The following SCARA3 variants were observed in gnomAD, a reference collection of about 807,000 sequenced individuals.
SCARA3 encodes scavenger receptor class A member 3.
Under a neutral mutation model 47.0 loss-of-function variants are expected in SCARA3, and 39 were observed. The ratio of observed to expected loss-of-function variants is 0.83; its 90% CI spans 0.64 to 1.08. SCARA3 has a LOEUF of 1.08. Ranked by LOEUF, SCARA3 falls within the 50% of genes least tolerant of loss-of-function variation. SCARA3 has a pLI of 0.00. For missense variants in SCARA3, 724 were observed against 792.3 expected (o/e 0.91, Z 1.04); for synonymous variants, 356 against 334.1 (o/e 1.07, Z -0.71).
downstream of SCARA3, among the ~76,000 whole-genome samples, chr8:27,675,898 TG>T (rs1177517047): frequency 1.4e-5 from 1 of 71,988 alleles, no homozygotes; most frequent in Non-Finnish European, 2.8e-5. Flanking sequence ...GGACGGGGTG[TG>T]GGGAGGTGGG....
chr8:27,662,226 C>T (rs1801926603), intron 5 of SCARA3, among the ~76,000 whole-genome samples: 1 of 152,218 alleles, frequency 6.6e-6, no homozygotes, highest in African/African-American at 2.4e-5. Context: ...ATTTCTGGAC[C>T]TGTGAGTCTG....
At chr8:27,713,824 G>A in the SCARA3 span, among the ~76,000 whole-genome samples, 5 of 152,212 alleles carry the variant, frequency 3.3e-5, no homozygotes, top group African/African-American at 1.2e-4. Context: ...GGATGTGACA[G>A]AGTTTGGATA....
Position 27,671,449 on chromosome 8 carries a change from C to T in SCARA3, c.*98C>T. Reference sequence around the variant, plus strand: ...CTCACCTACAGACAGCTGTGGTCCTCTGATTCCAATGAGGGGGCTCCCCAG... The same window carrying T: ...CTCACCTACAGACAGCTGTGGTCCTTTGATTCCAATGAGGGGGCTCCCCAG... On this transcript the variant is annotated 3_prime_UTR_variant, in exon 6 of 6. Coordinates refer to ENST00000301904, the MANE Select transcript of SCARA3 (RefSeq NM_016240.3). 1.5e-6 allele frequency: 2 copies of T among 1,322,286 alleles called. No individual in the cohort carries two copies. The highest frequency in any genetic ancestry group is 1.9e-6 in the Non-Finnish European group (2 of 1,041,654). 81.9% of individuals were successfully genotyped at this position (1,322,286 alleles called of 1,614,324 possible). A position where few individuals can be genotyped will look rare whatever the true frequency, so the allele number is the denominator to read the frequency against.
At chr8:27,677,435 G>T (rs1439374828), downstream of SCARA3, among the ~76,000 whole-genome samples, 1 of 152,218 alleles carries the variant, frequency 6.6e-6, no homozygotes, top group Non-Finnish European at 1.5e-5. Context: ...GGGAATCTGT[G>T]AGCTGACTAG....
chr8:27,726,425 G>A, the SCARA3 span, among the ~76,000 whole-genome samples: 806 of 152,150 alleles, frequency 5.3e-3, 4 homozygotes, highest in Non-Finnish European at 7.4e-3. Context: ...ACAGCCAGGC[G>A]CAGTGGCTCA....
chr8:27,681,543 A>T (rs1040935708), downstream of SCARA3, among the ~76,000 whole-genome samples: 8 of 151,992 alleles, frequency 5.3e-5, no homozygotes, highest in African/African-American at 1.7e-4. Context: ...GGGCAACAGA[A>T]GCGAGACTTC....
chr8:27,681,486 A>T (rs1802353350), downstream of SCARA3, among the ~76,000 whole-genome samples: 1 of 152,186 alleles, frequency 6.6e-6, no homozygotes, highest in Non-Finnish European at 1.5e-5. Context: ...CATTTTGGAA[A>T]GCTGAGGCAG....
chr8:27,660,832 AGCTAGCTAG>A (rs1280038412), intron 5 of SCARA3, among the ~76,000 whole-genome samples: 1 of 47,774 alleles, frequency 2.1e-5, no homozygotes, highest in Non-Finnish European at 6.5e-5. Flanking sequence ...GATAGAAGAT[AGCTAGCTAG>A]CTAGATAGAT....
the SCARA3 span, among the ~76,000 whole-genome samples, chr8:27,727,397 G>A: frequency 2.0e-5 from 3 of 152,216 alleles, no homozygotes; most frequent in South Asian, 6.2e-4. Context: ...CGTGATGCGC[G>A]CCGAGACCAG....
the SCARA3 span, among the ~76,000 whole-genome samples, chr8:27,705,470 G>A: frequency 6.6e-6 from 1 of 152,228 alleles, no homozygotes; most frequent in Non-Finnish European, 1.5e-5. Context: ...CTCAAAAGAT[G>A]AGGTGCCCCA....
chr8:27,656,866 A>G lies in SCARA3; in HGVS notation c.311A>G (p.Asn104Ser), dbSNP rs1801754440. The change falls in exon 4 of 6, where the codon AAT becomes AGT. Residue 104 changes from asparagine (N) to serine (S), a missense_variant. By Grantham distance (46) the Asn-to-Ser change is conservative (BLOSUM62 1). Transcript: ENST00000301904. ...AAGAAGCTTGTGTTAATGCAGAAAA[A>G]TCTCCAGGGCCTGGGTAAGTAGATG... ...YDKKLVLMQK[N>S]LQGLDPKALN... 1 of 1,605,702 alleles carries G rather than the reference A, an allele frequency of 6.2e-7. No homozygotes were observed. The highest frequency in any genetic ancestry group is 8.5e-7 in the Non-Finnish European group (1 of 1,172,344).
the SCARA3 span, among the ~76,000 whole-genome samples, chr8:27,684,872 A>T: frequency 6.6e-6 from 1 of 152,002 alleles, no homozygotes; most frequent in Non-Finnish European, 1.5e-5. Context: ...ACTACACTCC[A>T]GCCTGGGCAA....
chr8:27,669,304 C>T (rs139590316), intron 5 of SCARA3, among the ~76,000 whole-genome samples: 6 of 152,366 alleles, frequency 3.9e-5, no homozygotes, highest in East Asian at 3.9e-4. Context: ...CCAACAGCTT[C>T]GTGGGGCGTC....
At chr8:27,668,290 C>G (rs1802062334) in intron 5 of SCARA3, among the ~76,000 whole-genome samples, 1 of 152,074 alleles carries the variant, frequency 6.6e-6, no homozygotes, top group African/African-American at 2.4e-5. Flanking sequence ...CCTGTAATCC[C>G]AGCACTTTGG....
the SCARA3 span, among the ~76,000 whole-genome samples, chr8:27,687,561 A>G: frequency 6.6e-5 from 10 of 152,196 alleles, no homozygotes; most frequent in South Asian, 4.1e-4. Context: ...CATTGTCTTT[A>G]GAATCAAGAA....
chr8:27,698,901 G>T, the SCARA3 span, among the ~76,000 whole-genome samples: 1 of 149,776 alleles, frequency 6.7e-6, no homozygotes, highest in South Asian at 2.1e-4. Flanking sequence ...CTATCTATCT[G>T]TCTATCTATA....
chr8:27,679,309 A>G (rs1172994400), downstream of SCARA3, among the ~76,000 whole-genome samples: 1 of 152,172 alleles, frequency 6.6e-6, no homozygotes, highest in Non-Finnish European at 1.5e-5. Context: ...TTTCTCTAAA[A>G]CATGTTTTGT....
the SCARA3 span, among the ~76,000 whole-genome samples, chr8:27,730,401 T>G: frequency 2.6e-5 from 4 of 151,956 alleles, no homozygotes. Context: ...CCCCCTTCCC[T>G]GTAGCTGAGC....
the SCARA3 span, among the ~76,000 whole-genome samples, chr8:27,714,836 T>C: frequency 6.6e-6 from 1 of 152,184 alleles, no homozygotes; most frequent in Admixed American, 6.5e-5. Flanking sequence ...CATTTACATA[T>C]CATGTATACA....
Sources: allele counts gnomAD v4.1 joint callset (sites outside exome capture counted in the v4.1 genomes callset), GRCh38; gene constraint gnomAD v4.1.1; transcripts MANE v1.5; gene names NCBI Gene and HGNC (gene_info 2026-07-23, HGNC 2026-07-21).